ROBO2: variants seen among roughly 807,000 people sequenced by gnomAD.
The protein encoded by ROBO2 is roundabout homolog 2.
Under a neutral mutation model 160.8 loss-of-function variants are expected in ROBO2, and 53 were observed. The observed-to-expected ratio is 0.33, with a 90% confidence interval of 0.26 to 0.41. ROBO2 has a LOEUF of 0.41. Among genes scored for constraint, ROBO2 ranks in the 10% least tolerant of loss-of-function variants. The pLI is 1.00. For missense variants in ROBO2, 1,577 were observed against 1,722.4 expected (o/e 0.92, Z 1.49); for synonymous variants, 664 against 611.7 (o/e 1.09, Z -1.26).
At chr3:76,257,936 C>A (rs1416561035) in intron 2 of ROBO2, among the ~76,000 whole-genome samples, 1 of 152,108 alleles carries the variant, frequency 6.6e-6, no homozygotes, top group Admixed American at 6.6e-5. Context: ...GGAAAACAGA[C>A]AAAAACGCTT....
In ROBO2 at chr3:76,000,548, G is replaced by A. The variant is rs144284211; in HGVS notation, c.109+62946G>A. Among the ~76,000 whole-genome samples the A allele has an allele frequency of 7.4e-3, 1,107 of 148,964 alleles. 19 individuals carry two copies. The highest frequency in any genetic ancestry group is 0.026 in the African/African-American group (1,038 of 40,476). ...CTGTCCCCCAGGCTGGAGTGAAGTGGTGTGATCTCGGCTCACTGCAAGCTC... is the reference window on the plus strand; with the variant it reads ...CTGTCCCCCAGGCTGGAGTGAAGTGATGTGATCTCGGCTCACTGCAAGCTC... On this transcript the variant is annotated intron_variant, in intron 2 of 26. Coordinates refer to the ROBO2 transcript ENST00000487694.
At chr3:77,297,960 G>A (rs1285602560) in intron 2 of ROBO2, among the ~76,000 whole-genome samples, 1 of 152,134 alleles carries the variant, frequency 6.6e-6, no homozygotes, top group Non-Finnish European at 1.5e-5. Flanking sequence ...GGGCCAAGAA[G>A]GTTCAACACC....
intron 2 of ROBO2, among the ~76,000 whole-genome samples, chr3:76,768,266 A>C (rs2108468510): frequency 6.6e-6 from 1 of 151,600 alleles, no homozygotes; most frequent in Non-Finnish European, 1.5e-5. Context: ...ACTTCTTTAC[A>C]GACCTTTACG....
chr3:77,185,688 A>T (rs997129599), intron 2 of ROBO2, among the ~76,000 whole-genome samples: 2 of 151,940 alleles, frequency 1.3e-5, no homozygotes, highest in Non-Finnish European at 2.9e-5. Context: ...AGAAGTGATT[A>T]TATGAAAAAG....
intron 2 of ROBO2, among the ~76,000 whole-genome samples, chr3:76,180,177 A>G (rs1407459987): frequency 1.3e-5 from 2 of 152,146 alleles, no homozygotes; most frequent in Admixed American, 1.3e-4. Context: ...CAGTCACAAA[A>G]TACGTTTTCC....
chr3:76,000,986 CTA>C (rs1378823841), intron 2 of ROBO2, among the ~76,000 whole-genome samples: 2 of 152,104 alleles, frequency 1.3e-5, no homozygotes, highest in East Asian at 1.9e-4. Flanking sequence ...AAATTTCACT[CTA>C]TTTTTACTTC....
intron 4 of ROBO2, among the ~76,000 whole-genome samples, chr3:77,487,358 T>G (rs1220016180): frequency 6.6e-6 from 1 of 152,140 alleles, no homozygotes; most frequent in Non-Finnish European, 1.5e-5. Context: ...TTATATCATG[T>G]TATCAGCAAT....
intron 2 of ROBO2, among the ~76,000 whole-genome samples, chr3:77,108,469 C>T (rs2073154504): frequency 6.6e-6 from 1 of 152,052 alleles, no homozygotes; most frequent in Non-Finnish European, 1.5e-5. Flanking sequence ...TATGAGCCAT[C>T]AGGGCCAGAG....
intron 2 of ROBO2, among the ~76,000 whole-genome samples, chr3:76,261,829 T>C (rs1289948702): frequency 6.6e-6 from 1 of 152,114 alleles, no homozygotes; most frequent in Non-Finnish European, 1.5e-5. Flanking sequence ...TTATATTTCA[T>C]AGTAGGTAGT....
At chr3:77,353,144 C>T (rs1481490696) in intron 2 of ROBO2, among the ~76,000 whole-genome samples, 1 of 151,936 alleles carries the variant, frequency 6.6e-6, no homozygotes, top group African/African-American at 2.4e-5. Context: ...CAACCAACCC[C>T]CTTTATGAAC....
chr3:75,976,522 A>G (rs1315517859), intron 2 of ROBO2, among the ~76,000 whole-genome samples: 1 of 151,562 alleles, frequency 6.6e-6, no homozygotes, highest in Non-Finnish European at 1.5e-5. Context: ...AGAGCGGAAG[A>G]GAGGAACTTC....
intron 2 of ROBO2, among the ~76,000 whole-genome samples, chr3:76,642,154 T>C (rs2090711874): frequency 6.6e-6 from 1 of 152,040 alleles, no homozygotes; most frequent in African/African-American, 2.4e-5. Context: ...GACAACACCA[T>C]GAAATACATA....
intron 2 of ROBO2, among the ~76,000 whole-genome samples, chr3:76,591,982 CT>C (rs1305597671): frequency 6.6e-6 from 1 of 151,928 alleles, no homozygotes; most frequent in East Asian, 1.9e-4. Flanking sequence ...CTATTTTTCA[CT>C]TATACATGGA....
intron 1 of ROBO2, among the ~76,000 whole-genome samples, chr3:77,060,365 C>T (rs953600412): frequency 3.9e-5 from 6 of 152,102 alleles, no homozygotes; most frequent in Admixed American, 6.6e-5. Flanking sequence ...AGAAGAATTC[C>T]GCATCTAGTC....
chr3:76,227,279 A>C (rs901168173), intron 2 of ROBO2, among the ~76,000 whole-genome samples: 1 of 152,184 alleles, frequency 6.6e-6, no homozygotes, highest in Non-Finnish European at 1.5e-5. Flanking sequence ...CATTATTGCG[A>C]AGAGTACCAA....
At chr3:77,282,226 A>T (rs561945046) in intron 2 of ROBO2, among the ~76,000 whole-genome samples, 4 of 152,072 alleles carry the variant, frequency 2.6e-5, no homozygotes, top group African/African-American at 9.7e-5. Flanking sequence ...ATAATCAACT[A>T]TTGGGATTCA....
At chr3:77,570,144 G>A (rs572595396) in intron 13 of ROBO2, among the ~76,000 whole-genome samples, 1 of 151,866 alleles carries the variant, frequency 6.6e-6, no homozygotes, top group East Asian at 1.9e-4. Flanking sequence ...ATTCTCAATT[G>A]AAAAAAGTCT....
chr3:76,605,185 T>C (rs1453057217), intron 2 of ROBO2, among the ~76,000 whole-genome samples: 1 of 152,168 alleles, frequency 6.6e-6, no homozygotes, highest in Non-Finnish European at 1.5e-5. Context: ...AGAGATAATC[T>C]TTCTAAAATA....
intron 2 of ROBO2, among the ~76,000 whole-genome samples, chr3:76,675,912 T>C (rs1358561011): frequency 6.6e-6 from 1 of 152,182 alleles, no homozygotes; most frequent in Non-Finnish European, 1.5e-5. Context: ...CATGGACATA[T>C]AGCTTTAAAG....
Sources: gnomAD v4.1 joint callset for allele counts (sites outside exome capture counted in the v4.1 genomes callset) on GRCh38, gnomAD v4.1.1 for gene constraint, MANE v1.5 for transcripts, NCBI Gene and HGNC (gene_info 2026-07-23, HGNC 2026-07-21) for gene names.